The following NAXD variants were observed in gnomAD, a reference collection of about 807,000 sequenced individuals.
The protein encoded by NAXD is NAD(P)HX dehydratase.
Under a neutral mutation model 35.8 loss-of-function variants are expected in NAXD, and 22 were observed. The observed-to-expected ratio is 0.62, with a 90% confidence interval of 0.44 to 0.88. The LOEUF is 0.88. Among genes scored for constraint, NAXD ranks in the 40% least tolerant of loss-of-function variants. The pLI is 0.00. For missense variants in NAXD, 428 were observed against 437.7 expected, an observed-to-expected ratio of 0.98 and a Z score of 0.20; for synonymous variants, 189 against 177.6, an observed-to-expected ratio of 1.06 and a Z score of -0.51.
At chr13:110,615,738 G>T (rs1490215495) in intron 1 of NAXD, 91 bp downstream of exon 1, 5 of 1,493,372 alleles carry the variant, frequency 3.3e-6, no homozygotes, top group Admixed American at 2.2e-5. Flanking sequence ...ATTGCTCTCG[G>T]CCGCACTCGC....
At chr13:110,630,020 TTTTTTG>T (rs1297032716) in intron 5 of NAXD, among the ~76,000 whole-genome samples, 1 of 152,156 alleles carries the variant, frequency 6.6e-6, no homozygotes, top group African/African-American at 2.4e-5. Flanking sequence ...GGGTATCTTT[TTTTTTG>T]TTTTTGTTTT....
Position 110,622,220 on chromosome 13 carries a change from A to C in NAXD, c.51A>C (p.Leu17Phe). The change falls in exon 2 of 10, where the codon TTA becomes TTC. Residue 17 changes from leucine to phenylalanine, a missense_variant. Physicochemically the swap from Leu to Phe is conservative, Grantham distance 22 (BLOSUM62 0). Around this residue, in one of 3 missense-constraint regions of NAXD, gnomAD observed 208 missense variants for 193.0 expected, o/e 1.08. Transcript: ENST00000680254. ...TTCATTTTTCTTGTCTTTCAGTTTT[A>C]GAAAGAGCGTTTTCGCTACGTAAAG... is the stretch of plus-strand genomic sequence containing the variant. ...CGAIRACRRV[L>F]ERAFSLRKAH... 6.2e-7 allele frequency: 1 copy of C among 1,611,176 alleles called. No individual in the cohort carries two copies. Among genetic ancestry groups the C allele is most frequent in the Non-Finnish European group, 8.5e-7 (1 of 1,178,262 alleles).
At position 110,628,104 on chromosome 13, in the gene NAXD, A is replaced by G. The variant is rs1886564091; in HGVS notation, c.441+557A>G. Reference sequence around the variant, plus strand: ...CACCTAAATCCAAAAGATGAAAGTTATTCTGATCACTTTGTGCCTGCTGTA... The same window carrying G: ...CACCTAAATCCAAAAGATGAAAGTTGTTCTGATCACTTTGTGCCTGCTGTA... On this transcript the variant is annotated intron_variant, in intron 5 of 9. Coordinates refer to ENST00000680254, the MANE Select transcript of NAXD (RefSeq NM_001242882.2). The surrounding 1 kb of genome is among the most constrained non-coding windows in gnomAD (Gnocchi z 4.1). Among the ~76,000 whole-genome samples the G allele has an allele frequency of 6.6e-6, 1 of 152,222 alleles. No individual in the cohort carries two copies. Among genetic ancestry groups the G allele is most frequent in the East Asian group, 1.9e-4 (1 of 5,196 alleles).
At position 110,637,112 on chromosome 13, in the gene NAXD, AC is replaced by A; in HGVS notation, c.719-16del. ...CATGGCCATGCTGACACCTGCTCTCACTTCTGCCCTGTGCAGTGCTTGTGTG... is the reference window on the plus strand; with the variant it reads ...CATGGCCATGCTGACACCTGCTCTCATTCTGCCCTGTGCAGTGCTTGTGTG... On this transcript the variant is annotated splice_polypyrimidine_tract_variant and intron_variant, in intron 8 of 9. Coordinates refer to ENST00000680254, the MANE Select transcript of NAXD (RefSeq NM_001242882.2). The A allele has an allele frequency of 6.3e-7, 1 of 1,590,646 alleles. No homozygotes were observed. Among genetic ancestry groups the A allele is most frequent in the Non-Finnish European group, 8.5e-7 (1 of 1,171,646 alleles).
chr13:110,627,361 T>A (rs1318668774), intron 4 of NAXD, 78 bp from the exon 5 acceptor site: 3 of 891,572 alleles, frequency 3.4e-6, no homozygotes, highest in East Asian at 5.1e-5. Flanking sequence ...TTTTTCAAAA[T>A]AAAATGTAAA....
chr13:110,633,663 A>G (rs1158169636), intron 5 of NAXD, among the ~76,000 whole-genome samples: 1 of 152,048 alleles, frequency 6.6e-6, no homozygotes, highest in Non-Finnish European at 1.5e-5. Flanking sequence ...ATCACTTTAC[A>G]TGCTACTGCA....
intron 5 of NAXD, among the ~76,000 whole-genome samples, chr13:110,632,628 T>G (rs950399581): frequency 5.9e-5 from 9 of 151,530 alleles, no homozygotes; most frequent in South Asian, 2.1e-4. Context: ...CACCAGAGCA[T>G]CTAGATACAG....
intron 2 of NAXD, 104 bp from the exon 3 acceptor site, chr13:110,624,130 T>A: frequency 1.4e-6 from 1 of 702,346 alleles, no homozygotes; most frequent in East Asian, 2.5e-5. Context: ...TGATAAACCA[T>A]GTCTATATTA....
At chr13:110,632,805 G>A (rs567436674) in intron 5 of NAXD, among the ~76,000 whole-genome samples, 3 of 151,216 alleles carry the variant, frequency 2.0e-5, no homozygotes, top group South Asian at 2.1e-4. Flanking sequence ...ACAGAGTGTC[G>A]ATTGGTGCAT....
rs147008538 is a variant in NAXD, at chr13:110,639,192, G to A, written c.*664G>A. The A allele has an allele frequency of 3.0e-3, 488 of 163,372 alleles. 1 individual carries two copies. Among genetic ancestry groups the A allele is most frequent in the Non-Finnish European group, 4.9e-3 (368 of 74,434 alleles). The allele number at this position is 163,372 out of a possible 1,614,324, so 10.1% of individuals were successfully genotyped here. ...ACATGAGTGACGCTGACCCTTGAGT[G>A]TGTGGGTGGGGAGCTCTGAGACGCC... On this transcript the variant is annotated 3_prime_UTR_variant, in exon 10 of 10. Coordinates refer to ENST00000680254, the MANE Select transcript of NAXD (RefSeq NM_001242882.2).
chr13:110,636,283 T>G (rs963697216), intron 8 of NAXD, among the ~76,000 whole-genome samples: 3 of 152,256 alleles, frequency 2.0e-5, no homozygotes, highest in African/African-American at 7.2e-5. Flanking sequence ...GGTACCAAAA[T>G]CAGGGTAGAA....
chr13:110,621,527 C>G (rs2139630654), intron 1 of NAXD, among the ~76,000 whole-genome samples: 1 of 151,938 alleles, frequency 6.6e-6, no homozygotes, highest in South Asian at 2.1e-4. Flanking sequence ...GAAACCCTGT[C>G]TCTACTAAGA....
Position 110,625,229 on chromosome 13 carries a change from G to A in NAXD, c.283G>A (p.Ala95Thr), listed in dbSNP as rs147372616. Residue 95 changes from alanine to threonine, a missense_variant, in exon 4 of 10, where the codon GCA becomes ACA. By Grantham distance (58) the Ala-to-Thr change is moderately conservative (BLOSUM62 0). Coordinates refer to ENST00000680254, the MANE Select transcript of NAXD (RefSeq NM_001242882.2). ...CCACGTGTTCTGTGCCAGTGCGGCCGCACCTGTGATTAAGGCCTACAGCCC... is the reference window on the plus strand; with the variant it reads ...CCACGTGTTCTGTGCCAGTGCGGCCACACCTGTGATTAAGGCCTACAGCCC... ...LSHVFCASAA[A>T]PVIKAYSPEL... 11 of 1,613,850 alleles carry A rather than the reference G, an allele frequency of 6.8e-6. No homozygotes were observed. The highest frequency in any genetic ancestry group is 1.7e-5 in the Admixed American group (1 of 60,032).
intron 2 of NAXD, 93 bp downstream of exon 2, chr13:110,622,459 A>T: frequency 7.6e-7 from 1 of 1,311,056 alleles, no homozygotes. Context: ...GTTTGACCTC[A>T]GTAATCATTT....
intron 1 of NAXD, among the ~76,000 whole-genome samples, chr13:110,617,625 T>C (rs1252850242): frequency 6.6e-6 from 1 of 152,254 alleles, no homozygotes; most frequent in Non-Finnish European, 1.5e-5. Context: ...TTTGTGTTAA[T>C]ACAATTCTAT....
chr13:110,636,713 T>C (rs1402669677), intron 8 of NAXD, among the ~76,000 whole-genome samples: 1 of 152,212 alleles, frequency 6.6e-6, no homozygotes, highest in African/African-American at 2.4e-5. Context: ...TTGCCCTGTA[T>C]GGTTGAGCTG....
At chr13:110,625,312 T>C in intron 4 of NAXD, 34 bp downstream of exon 4, 2 of 1,438,608 alleles carry the variant, frequency 1.4e-6, no homozygotes, top group Non-Finnish European at 2.0e-6. Flanking sequence ...TCGTAGGTTC[T>C]CTTTCCCTCC....
At chr13:110,625,085 TG>T (rs1243609833) in intron 3 of NAXD, 104 bp from the exon 4 acceptor site, 1 of 806,822 alleles carries the variant, frequency 1.2e-6, no homozygotes, top group Non-Finnish European at 2.1e-6. Context: ...ACGTTTCTCA[TG>T]CACGTCACCA....
chr13:110,639,764 T>G lies in NAXD; in HGVS notation c.*1236T>G, dbSNP rs966238003. 1 of 152,178 alleles carries G rather than the reference T, an allele frequency of 6.6e-6. No individual in the cohort carries two copies. The highest frequency in any genetic ancestry group is 1.5e-5 in the Non-Finnish European group (1 of 68,026). The allele number at this position is 152,178 out of a possible 1,614,324, so 9.4% of individuals were successfully genotyped here. A position where few individuals can be genotyped will look rare whatever the true frequency, so the allele number is the denominator to read the frequency against. The stretch of plus-strand genomic sequence containing the variant: ...AGTCTTTTTGGCCTGATGATGACTC[T>G]TGAGTGATACCCTGTGATGCAGACA... On this transcript the variant is annotated 3_prime_UTR_variant, in exon 10 of 10. Transcript: ENST00000680254.
Sources: gnomAD v4.1 joint callset for allele counts (sites outside exome capture counted in the v4.1 genomes callset) on GRCh38, gnomAD v4.1.1 for gene constraint, gnomAD v4.1.1 regional missense constraint, Gnocchi (gnomAD v3.1) non-coding constraint, MANE v1.5 for transcripts, NCBI Gene and HGNC (gene_info 2026-07-23, HGNC 2026-07-21) for gene names.